The following AMZ1 variants were observed in gnomAD, a reference collection of about 807,000 sequenced individuals.
The protein encoded by AMZ1 is archaemetzincin-1.
A neutral mutation model predicts 29.9 loss-of-function variants in AMZ1; 39 were observed. That is an observed-to-expected ratio of 1.30 (90% confidence interval 1.01 to 1.70). The LOEUF is 1.70. Ranked by LOEUF, AMZ1 falls within the 40% of genes most tolerant of loss-of-function variation. AMZ1 has a pLI of 0.00. For synonymous variants in AMZ1, 458 were observed against 304.0 expected, an observed-to-expected ratio of 1.51 and a Z score of -5.27; for missense variants, 1,041 against 680.6, an observed-to-expected ratio of 1.53 and a Z score of -5.89.
intron 4 of AMZ1, among the ~76,000 whole-genome samples, chr7:2,743,464 C>G (rs967149630): frequency 2.0e-5 from 3 of 152,280 alleles, no homozygotes; most frequent in Middle Eastern, 6.8e-3. Context: ...TGGCTTGACA[C>G]AGACTTTAAA....
chr7:2,748,946 C>G (rs1790896356), intron 4 of AMZ1, among the ~76,000 whole-genome samples: 1 of 152,194 alleles, frequency 6.6e-6, no homozygotes, highest in Admixed American at 6.5e-5. Flanking sequence ...AAATGCAAAT[C>G]AAAACCACAA....
chr7:2,729,650 G>A (rs1159349776), intron 4 of AMZ1: 2 of 152,246 alleles, frequency 1.3e-5, no homozygotes, highest in Non-Finnish European at 2.9e-5. Flanking sequence ...GCTGCAGAGG[G>A]GCTCGGGGCT....
chr7:2,754,845 T>A (rs569257986), intron 4 of AMZ1, among the ~76,000 whole-genome samples: 57 of 152,198 alleles, frequency 3.7e-4, no homozygotes, highest in Non-Finnish European at 7.2e-4. Context: ...TAGGGCGTCA[T>A]GTCTAAGAAT....
intron 3 of AMZ1, among the ~76,000 whole-genome samples, chr7:2,704,190 C>CACATTTTTATAGGTCTCAGTTGCCTATG (rs1788218246): frequency 6.6e-6 from 1 of 152,146 alleles, no homozygotes; most frequent in African/African-American, 2.4e-5. Context: ...TGCCTGGCCT[C>CACATTTTTATAGGTCTCAGTTGCCTATG]ATCTAAGGTA....
In AMZ1 at chr7:2,709,913, C is replaced by A. The variant is rs1788657698; in HGVS notation, c.948+97C>A. The A allele has an allele frequency of 2.3e-5, 35 of 1,502,542 alleles. No homozygotes were observed. The South Asian group carries it at 4.1e-4, about 18-fold the overall frequency. The allele number at this position is 1,502,542 out of a possible 1,614,324, so 93.1% of individuals were successfully genotyped here. A position where few individuals can be genotyped will look rare whatever the true frequency, so the allele number is the denominator to read the frequency against. ...CTACGCAGGGCATGGGGACCGCACA[C>A]AGGCTTTGTCAACTGCCGGGTTCCA... On this transcript the variant is annotated intron_variant, in intron 6 of 6. Coordinates refer to ENST00000683327, the MANE Select transcript of AMZ1 (RefSeq NM_001384743.1).
At chr7:2,726,346 C>T (rs1304263263) in intron 4 of AMZ1, among the ~76,000 whole-genome samples, 1 of 152,238 alleles carries the variant, frequency 6.6e-6, no homozygotes, top group African/African-American at 2.4e-5. Flanking sequence ...GTCCCCAAAC[C>T]TGGAAGGAAC....
intron 4 of AMZ1, among the ~76,000 whole-genome samples, chr7:2,746,665 G>A (rs887560137): frequency 1.5e-4 from 23 of 152,070 alleles, no homozygotes; most frequent in African/African-American, 5.3e-4. Flanking sequence ...AAATAACTAA[G>A]ATCAGAGCAG....
Position 2,700,552 on chromosome 7 carries a change from C to T in AMZ1, c.101C>T (p.Ser34Phe). The T allele has an allele frequency of 1.9e-6, 3 of 1,609,554 alleles. No individual in the cohort carries two copies. The highest frequency in any genetic ancestry group is 2.5e-6 in the Non-Finnish European group (3 of 1,179,938). Residue 34 changes from serine (S) to phenylalanine (F), a missense_variant, in exon 2 of 7, where the codon TCC becomes TTC. Transcript: ENST00000683327. ...GCAGCCCTGCAGCAGCTGTATGTGT[C>T]CGCCTTCTCCCCTGCCGAGCGGCTC... ...TDAALQQLYV[S>F]AFSPAERLFL... is the part of the protein sequence containing the mutation.
At chr7:2,727,830 G>A (rs1455412676) in intron 4 of AMZ1, among the ~76,000 whole-genome samples, 1 of 151,490 alleles carries the variant, frequency 6.6e-6, no homozygotes, top group Non-Finnish European at 1.5e-5. Flanking sequence ...GGCTGAGGTG[G>A]GCCGATCACG....
At chr7:2,725,114 C>T (rs929304083) in intron 4 of AMZ1, among the ~76,000 whole-genome samples, 14 of 152,174 alleles carry the variant, frequency 9.2e-5, no homozygotes, top group Admixed American at 2.0e-4. Context: ...CTGGGTTCTG[C>T]GAGCGCACCC....
chr7:2,687,395 G>A (rs1054034031), upstream of AMZ1, among the ~76,000 whole-genome samples: 2 of 152,190 alleles, frequency 1.3e-5, no homozygotes, highest in African/African-American at 2.4e-5. Flanking sequence ...TCTGTGGGGC[G>A]CTGCTGAGGG....
At chr7:2,700,830 G>A in intron 2 of AMZ1, 75 bp downstream of exon 2, 1 of 1,532,758 alleles carries the variant, frequency 6.5e-7, no homozygotes. Flanking sequence ...GGATGTCTGT[G>A]CATAGCCCCC....
chr7:2,704,620 G>A (rs1473133032), intron 3 of AMZ1, among the ~76,000 whole-genome samples: 3 of 112,856 alleles, frequency 2.7e-5, no homozygotes, highest in Non-Finnish European at 1.6e-5. Context: ...TTTTTAAGAC[G>A]GAGTCTTGCT....
At chr7:2,701,396 G>T (rs7779657) in intron 2 of AMZ1, among the ~76,000 whole-genome samples, 1 of 152,092 alleles carries the variant, frequency 6.6e-6, no homozygotes, top group Non-Finnish European at 1.5e-5. Flanking sequence ...TGGGGCTGGG[G>T]TGCTCATCCT....
intron 4 of AMZ1, among the ~76,000 whole-genome samples, chr7:2,759,184 T>TAAATA (rs1554257570): frequency 1.3e-4 from 19 of 141,998 alleles, no homozygotes; most frequent in South Asian, 2.2e-4. Context: ...AATAAATAAA[T>TAAATA]AAATAAAATA....
Position 2,702,797 on chromosome 7 carries a change from T to C in AMZ1, c.380T>C (p.Leu127Pro). The C allele has an allele frequency of 6.5e-7, 1 of 1,546,566 alleles. No homozygotes were observed. The highest frequency in any genetic ancestry group is 2.4e-5 in the East Asian group (1 of 41,146). ...TGCACAGAGGCCTTCTTCCTGGGCC[T>C]GCGCGTCAAGTGCCTGCCGTCGGTG... ...CSCTEAFFLG[L>P]RVKCLPSVAA... The change falls in exon 3 of 7, where the codon CTG becomes CCG. Residue 127 changes from leucine (L) to proline (P), a missense_variant. By Grantham distance (98) the Leu-to-Pro change is moderately conservative. Coordinates refer to ENST00000683327, the MANE Select transcript of AMZ1 (RefSeq NM_001384743.1).
chr7:2,758,621 G>T lies in AMZ1; in HGVS notation n.551-6091G>T, dbSNP rs208347. On this transcript the variant is annotated intron_variant and non_coding_transcript_variant, in intron 4 of 4. Transcript: ENST00000489665. ...CAGGGGAGCCTTTCAAGGAACCTGG[G>T]GGAACCCCTGAAAGGGTCTCGGGGG... 7.2e-5 allele frequency among the ~76,000 whole-genome samples: 11 copies of T among 152,164 alleles called. No individual in the cohort carries two copies. The East Asian group carries it at 1.2e-3, about 16-fold the overall frequency.
intron 1 of AMZ1, among the ~76,000 whole-genome samples, chr7:2,694,477 T>C (rs1050754274): frequency 1.3e-5 from 2 of 152,080 alleles, no homozygotes; most frequent in Non-Finnish European, 2.9e-5. Flanking sequence ...TTTATTTTCA[T>C]AGAGTAGAGA....
chr7:2,709,526 C>T (rs1456497925), intron 5 of AMZ1, 114 bp from the exon 6 acceptor site: 13 of 1,457,480 alleles, frequency 8.9e-6, no homozygotes, highest in East Asian at 2.3e-5. Context: ...GGACCACCTC[C>T]CGGCCATCTG....
Sources: allele counts gnomAD v4.1 joint callset (sites outside exome capture counted in the v4.1 genomes callset), GRCh38; gene constraint gnomAD v4.1.1; transcripts MANE v1.5; gene names NCBI Gene and HGNC (gene_info 2026-07-23, HGNC 2026-07-21).